Variants in LRRC49 observed in about 807,000 individuals in gnomAD.
LRRC49 encodes the protein leucine rich repeat containing 49.
LRRC49 carries 50 observed loss-of-function variants against 83.3 expected under a neutral mutation model. The observed-to-expected ratio is 0.60, with a 90% CI of 0.48 to 0.76. The LOEUF is 0.76. Ranked by LOEUF, LRRC49 falls within the 30% of genes least tolerant of loss-of-function variation. The probability of loss-of-function intolerance (pLI) is 0.00; values close to 1 mark genes in which losing one functional copy is unlikely to be tolerated. For missense variants in LRRC49, 704 were observed against 809.1 expected (o/e 0.87, Z 1.58); for synonymous variants, 286 against 283.3 (o/e 1.01, Z -0.10).
At chr15:70,949,566 C>T (rs772460628) in intron 8 of LRRC49, among the ~76,000 whole-genome samples, 2 of 152,174 alleles carry the variant, frequency 1.3e-5, no homozygotes, top group Non-Finnish European at 2.9e-5. Flanking sequence ...TAGGAACCCA[C>T]TCGACCCCTC....
intron 6 of LRRC49, among the ~76,000 whole-genome samples, chr15:70,917,119 CT>C (rs375046663): frequency 2.0e-5 from 3 of 152,296 alleles, no homozygotes; most frequent in African/African-American, 7.2e-5. Context: ...TCCCTCTGAA[CT>C]TTTGGTGCCA....
chr15:70,998,236 A>G (rs2038141085), intron 11 of LRRC49, among the ~76,000 whole-genome samples: 1 of 152,208 alleles, frequency 6.6e-6, no homozygotes, highest in Admixed American at 6.5e-5. Context: ...AAATTCAGTA[A>G]TACTGGCTTT....
chr15:70,938,735 G>A (rs190473706), intron 8 of LRRC49, among the ~76,000 whole-genome samples: 3 of 152,252 alleles, frequency 2.0e-5, no homozygotes, highest in East Asian at 3.9e-4. Context: ...AGGTTTTACA[G>A]TGCCAGCTTT....
intron 8 of LRRC49, among the ~76,000 whole-genome samples, chr15:70,938,242 A>G (rs929728688): frequency 2.6e-5 from 4 of 152,124 alleles, no homozygotes; most frequent in Admixed American, 6.6e-5. Flanking sequence ...GGTTGCCTAT[A>G]TCTGGGAAGT....
rs771806874 is a variant in LRRC49, at chr15:70,936,831, A to G, written c.773+9A>G. 4 of 1,588,782 alleles carry G rather than the reference A, an allele frequency of 2.5e-6. No individual in the cohort carries two copies. In the South Asian group the frequency reaches 4.4e-5, roughly 18 times the overall value. On this transcript the variant is annotated intron_variant, in intron 8 of 15. Transcript: ENST00000260382. ...TTTAACAATATATCTAGGTAAGTGGAAACTCCCAAGTTGTCATTCATTATA... is the reference window on the plus strand; with the variant it reads ...TTTAACAATATATCTAGGTAAGTGGGAACTCCCAAGTTGTCATTCATTATA...
rs554600695 is a variant in LRRC49, at chr15:70,937,433, C to G, written c.773+611C>G. 2.5e-4 allele frequency among the ~76,000 whole-genome samples: 38 copies of G among 152,108 alleles called. 1 individual carries two copies. The highest frequency in any genetic ancestry group is 5.1e-4 in the Non-Finnish European group (35 of 68,018). ...AGTAAGACTTTTCAATGCAAAAGGG[C>G]CCCTACTTTTTCCCTAATTCTTTCC... On this transcript the variant is annotated intron_variant, in intron 8 of 15. Transcript: ENST00000260382.
rs1011946615 is a variant in LRRC49, at chr15:71,052,471, T to C, written c.*2859T>C. On this transcript the variant is annotated 3_prime_UTR_variant, in exon 16 of 16. Coordinates refer to ENST00000260382, the MANE Select transcript of LRRC49 (RefSeq NM_017691.5). ...TTAACTGTGCTGCTGAGTCAGAGGA[T>C]GGTGCTGGTATCAGCTCCTCACTTC... 2.0e-5 allele frequency: 3 copies of C among 152,238 alleles called. No individual in the cohort carries two copies. Among genetic ancestry groups the C allele is most frequent in the Non-Finnish European group, 4.4e-5 (3 of 68,106 alleles). The allele number at this position is 152,238 out of a possible 1,614,324, so 9.4% of individuals were successfully genotyped here. A position where few individuals can be genotyped will look rare whatever the true frequency, so the allele number is the denominator to read the frequency against.
chr15:71,009,633 A>C, intron 12 of LRRC49, 174 bp from the exon 13 acceptor site: 1 of 485,322 alleles, frequency 2.1e-6, no homozygotes, highest in Non-Finnish European at 3.6e-6. Flanking sequence ...GCATTGGATG[A>C]ATTAAAGTTA....
intron 11 of LRRC49, among the ~76,000 whole-genome samples, chr15:70,990,858 C>T (rs571726844): frequency 2.6e-5 from 4 of 152,320 alleles, no homozygotes; most frequent in South Asian, 2.1e-4. Context: ...TCTCTGATCC[C>T]GCCCTAGCTA....
At chr15:71,039,516 G>A (rs895209593) in intron 15 of LRRC49, among the ~76,000 whole-genome samples, 11 of 152,120 alleles carry the variant, frequency 7.2e-5, no homozygotes, top group Non-Finnish European at 1.2e-4. Flanking sequence ...ATGTAGTAAC[G>A]TAGTATTTGC....
At chr15:70,898,455 G>A (rs1022396053) in intron 3 of LRRC49, 1 of 700,514 alleles carries the variant, frequency 1.4e-6, no homozygotes, top group African/African-American at 1.8e-5. Context: ...CTACATATCT[G>A]GTAAGTTAAA....
chr15:71,012,569 G>T (rs368631840), intron 13 of LRRC49, among the ~76,000 whole-genome samples: 1 of 151,898 alleles, frequency 6.6e-6, no homozygotes, highest in Admixed American at 6.6e-5. Flanking sequence ...CTAAATCAGA[G>T]CTGACTCATC....
In LRRC49 at chr15:71,052,828, T is replaced by G. The variant is rs1025470124; in HGVS notation, c.*3216T>G. On this transcript the variant is annotated 3_prime_UTR_variant, in exon 16 of 16. Coordinates refer to ENST00000260382, the MANE Select transcript of LRRC49 (RefSeq NM_017691.5). ...CAGTACCCACATTCACTGTTAGTCT[T>G]AAGGATCTGGCATCTGGGAAGAATT... is the stretch of plus-strand genomic sequence containing the variant. The G allele has an allele frequency of 1.3e-5, 2 of 152,210 alleles. No individual in the cohort carries two copies. Among genetic ancestry groups the G allele is most frequent in the African/African-American group, 4.8e-5 (2 of 41,450 alleles). The allele number at this position is 152,210 out of a possible 1,614,324, so 9.4% of individuals were successfully genotyped here.
At chr15:70,853,918 C>T in intron 1 of LRRC49, 1 of 1,385,618 alleles carries the variant, frequency 7.2e-7, no homozygotes, top group Non-Finnish European at 9.4e-7. Context: ...CCTCCTCGCT[C>T]GCGCTGCCCC....
chr15:70,934,466 T>C (rs1417803413), intron 7 of LRRC49, among the ~76,000 whole-genome samples: 4 of 152,226 alleles, frequency 2.6e-5, no homozygotes, highest in African/African-American at 9.6e-5. Context: ...TTCTGCATTT[T>C]AGTGTTTCAA....
intron 1 of LRRC49, chr15:70,859,381 C>T: frequency 1.3e-6 from 1 of 764,244 alleles, no homozygotes; most frequent in Non-Finnish European, 2.4e-6. Context: ...AGATGGACTT[C>T]CTCAGGCAGC....
At chr15:70,983,638 C>A (rs368676733) in intron 10 of LRRC49, among the ~76,000 whole-genome samples, 1 of 151,992 alleles carries the variant, frequency 6.6e-6, no homozygotes, top group Non-Finnish European at 1.5e-5. Context: ...CCCTTCCCCC[C>A]CTCCAAGATT....
intron 8 of LRRC49, among the ~76,000 whole-genome samples, chr15:70,953,187 T>C (rs958811034): frequency 6.6e-6 from 1 of 152,190 alleles, no homozygotes; most frequent in Non-Finnish European, 1.5e-5. Flanking sequence ...ATTAGCTGGC[T>C]ATTATGTAGA....
rs534292894 is a variant in LRRC49, at chr15:70,989,388, T to A, written c.1169+5131T>A. ...CTTGCTTCATTTCATTCATTTCATC[T>A]TCCATCACTGATATCCTTTCTTCCA... is the stretch of plus-strand genomic sequence containing the variant. On this transcript the variant is annotated intron_variant, in intron 11 of 15. Coordinates refer to ENST00000260382, the MANE Select transcript of LRRC49 (RefSeq NM_017691.5). Among the ~76,000 whole-genome samples, 4 of 152,324 alleles carry A rather than the reference T, an allele frequency of 2.6e-5. No homozygotes were observed. In the South Asian group the frequency reaches 8.3e-4, roughly 32 times the overall value.
Sources: gnomAD v4.1 joint callset for allele counts (sites outside exome capture counted in the v4.1 genomes callset) on GRCh38, gnomAD v4.1.1 for gene constraint, MANE v1.5 for transcripts, NCBI Gene and HGNC (gene_info 2026-07-23, HGNC 2026-07-21) for gene names.